The following LMBRD1 variants were observed in gnomAD, a reference collection of about 807,000 sequenced individuals.
LMBRD1 encodes lysosomal cobalamin transport escort protein LMBD1.
LMBRD1 carries 64 observed loss-of-function variants against 74.8 expected under a neutral mutation model. That is an observed-to-expected ratio of 0.86 (90% CI 0.70 to 1.05). The LOEUF (loss-of-function observed/expected upper bound fraction) is 1.05. LMBRD1 is among the 50% of genes least tolerant of loss of function. LMBRD1 has a pLI of 0.00. For missense variants in LMBRD1, 652 were observed against 645.9 expected (o/e 1.01, Z -0.10); for synonymous variants, 204 against 216.3 (o/e 0.94, Z 0.50).
chr6:69,685,857 T>C (rs181089332), intron 14 of LMBRD1, among the ~76,000 whole-genome samples: 46 of 152,184 alleles, frequency 3.0e-4, no homozygotes, highest in Admixed American at 7.9e-4. Context: ...GTTTCACAAA[T>C]CTTCCAAGTG....
chr6:69,716,777 T>C (rs1272100064), intron 8 of LMBRD1, among the ~76,000 whole-genome samples: 1 of 151,930 alleles, frequency 6.6e-6, no homozygotes, highest in Admixed American at 6.6e-5. Context: ...CAATGTGCCA[T>C]AAACATTCTT....
intron 7 of LMBRD1, among the ~76,000 whole-genome samples, chr6:69,729,932 TTTGA>T (rs1766819464): frequency 1.3e-5 from 2 of 151,416 alleles, no homozygotes; most frequent in South Asian, 4.2e-4. Flanking sequence ...ACAACAATCT[TTTGA>T]ACTTCACGAA....
At chr6:69,680,415 T>G (rs879429216) in intron 14 of LMBRD1, among the ~76,000 whole-genome samples, 9 of 152,116 alleles carry the variant, frequency 5.9e-5, no homozygotes, top group Admixed American at 5.2e-4. Flanking sequence ...AGAACAGGGC[T>G]AACAAAACAG....
Position 69,676,116 on chromosome 6 carries a change from G to A in LMBRD1, c.*42C>T. 2 of 1,463,656 alleles carry A rather than the reference G, an allele frequency of 1.4e-6. No homozygotes were observed. Among genetic ancestry groups the A allele is most frequent in the African/African-American group, 2.8e-5 (2 of 71,984 alleles). The allele number at this position is 1,463,656 out of a possible 1,614,324, so 90.7% of individuals were successfully genotyped here. A position where few individuals can be genotyped will look rare whatever the true frequency, so the allele number is the denominator to read the frequency against. ...TTTAATACTTTAAAAATGCATAACA[G>A]ATATTCAGTCAGCATTATAAAACCT... On this transcript the variant is annotated 3_prime_UTR_variant, in exon 16 of 16. Coordinates refer to ENST00000649934, the MANE Select transcript of LMBRD1 (RefSeq NM_018368.4).
chr6:69,682,364 T>A (rs1168663643), intron 14 of LMBRD1, among the ~76,000 whole-genome samples: 1 of 151,866 alleles, frequency 6.6e-6, no homozygotes, highest in Non-Finnish European at 1.5e-5. Context: ...TTGCCAGATA[T>A]TTTGCACTTA....
chr6:69,708,433 A>C (rs897505396), intron 9 of LMBRD1, among the ~76,000 whole-genome samples: 5 of 152,304 alleles, frequency 3.3e-5, no homozygotes, highest in East Asian at 1.9e-4. Flanking sequence ...ATTTCATTTA[A>C]TTCCCACAAC....
intron 3 of LMBRD1, among the ~76,000 whole-genome samples, chr6:69,765,712 C>A (rs1031815136): frequency 6.6e-6 from 1 of 152,134 alleles, no homozygotes; most frequent in African/African-American, 2.4e-5. Flanking sequence ...TGAGAGAAAA[C>A]TGACATAATT....
chr6:69,676,304 CA>C (rs1562078685), intron 15 of LMBRD1, 33 bp from the exon 16 acceptor site: 1 of 1,602,458 alleles, frequency 6.2e-7, no homozygotes, highest in Admixed American at 1.7e-5. Context: ...TGTTATTTTT[CA>C]AATTTAAAAT....
intron 3 of LMBRD1, among the ~76,000 whole-genome samples, chr6:69,772,514 T>G (rs976044378): frequency 2.6e-5 from 4 of 152,174 alleles, no homozygotes; most frequent in African/African-American, 9.7e-5. Context: ...ACTTGCTTTC[T>G]TAGTATTTCC....
intron 9 of LMBRD1, chr6:69,705,833 G>T: frequency 7.7e-7 from 1 of 1,297,102 alleles, no homozygotes; most frequent in Non-Finnish European, 1.1e-6. Flanking sequence ...TCACTAATAT[G>T]CACTGGCCCT....
chr6:69,735,937 C>G (rs1368649153), intron 7 of LMBRD1, among the ~76,000 whole-genome samples: 1 of 152,208 alleles, frequency 6.6e-6, no homozygotes, highest in African/African-American at 2.4e-5. Context: ...TTGCTAGTAT[C>G]TGAATATAGC....
Position 69,796,925 on chromosome 6 carries a change from A to G in LMBRD1, c.-44T>C, listed in dbSNP as rs905530445. ...CCAACCTGAGCGCCCGGGGTGGGGA[A>G]AGGGGAGGGGGAAAGGGGAGAGAGC... On this transcript the variant is annotated 5_prime_UTR_variant, in exon 1 of 16. Transcript: ENST00000649934. The G allele has an allele frequency of 6.4e-7, 1 of 1,574,500 alleles. No homozygotes were observed. Among genetic ancestry groups the G allele is most frequent in the Non-Finnish European group, 8.7e-7 (1 of 1,147,468 alleles).
At chr6:69,717,256 A>G (rs1766511703) in intron 8 of LMBRD1, among the ~76,000 whole-genome samples, 1 of 152,118 alleles carries the variant, frequency 6.6e-6, no homozygotes, top group Admixed American at 6.6e-5. Context: ...GGTAGATGAT[A>G]TTTGCCAACA....
chr6:69,682,649 G>C (rs17765737), intron 14 of LMBRD1, among the ~76,000 whole-genome samples: 9,893 of 151,978 alleles, frequency 0.065, 457 homozygotes, highest in Middle Eastern at 0.23. Flanking sequence ...TCTGCTGGTT[G>C]TAATTGTCCA....
rs1765505963 is a variant in LMBRD1 at position 69,674,439 on chromosome 6, A to G, written c.*1719T>C. On this transcript the variant is annotated 3_prime_UTR_variant, in exon 16 of 16. Coordinates refer to ENST00000649934, the MANE Select transcript of LMBRD1 (RefSeq NM_018368.4). ...CATGATTGTTTGATGAGTCAGTTAT[A>G]CAGAAGAGATATGGAGATCTACCTG... Among the ~76,000 whole-genome samples, 1 of 152,188 alleles carries G rather than the reference A, an allele frequency of 6.6e-6. No individual in the cohort carries two copies. The highest frequency in any genetic ancestry group is 2.4e-5 in the African/African-American group (1 of 41,448).
At chr6:69,789,210 C>T (rs1766026815) in intron 2 of LMBRD1, among the ~76,000 whole-genome samples, 1 of 152,104 alleles carries the variant, frequency 6.6e-6, no homozygotes, top group Admixed American at 6.5e-5. Flanking sequence ...AACCTAACTA[C>T]AAAAATATTT....
Position 69,676,262 on chromosome 6 carries a change from T to C in LMBRD1, c.1519A>G (p.Ile507Val). ...GNWAFLGVFLIGLIVSCCKGK... is the reference protein window; with the variant it reads ...GNWAFLGVFLVGLIVSCCKGK... ...TTACAACAGGATACAATTAATCCAA[T>C]CAAAAATACCTGTAAATTTAAATAA... Residue 507 changes from isoleucine (I) to valine (V), a missense_variant, in exon 16 of 16, where the codon ATT (isoleucine) becomes GTT (valine). Transcript: ENST00000649934. 2 of 1,612,948 alleles carry C rather than the reference T, an allele frequency of 1.2e-6. No homozygotes were observed. The highest frequency in any genetic ancestry group is 4.5e-5 in the East Asian group (2 of 44,746).
At chr6:69,713,881 A>T (rs775777658) in intron 8 of LMBRD1, 84 bp from the exon 9 acceptor site, 32 of 1,486,976 alleles carry the variant, frequency 2.2e-5, no homozygotes, top group East Asian at 4.6e-5. Flanking sequence ...AGGCAACAAA[A>T]CCTTTTCAGG....
At chr6:69,720,653 A>G (rs1766594871) in intron 7 of LMBRD1, among the ~76,000 whole-genome samples, 1 of 152,194 alleles carries the variant, frequency 6.6e-6, no homozygotes, top group South Asian at 2.1e-4. Context: ...AACATCTGAA[A>G]TGCTCCAAGA....
Sources: gnomAD v4.1 joint callset for allele counts (sites outside exome capture counted in the v4.1 genomes callset) on GRCh38, gnomAD v4.1.1 for gene constraint, MANE v1.5 for transcripts, NCBI Gene and HGNC (gene_info 2026-07-23, HGNC 2026-07-21) for gene names.